The following SPINK4 variants were observed in gnomAD, a reference collection of about 807,000 sequenced individuals.
The protein encoded by SPINK4 is serine peptidase inhibitor Kazal type 4.
A neutral mutation model predicts 12.3 loss-of-function variants in SPINK4; 10 were observed. The observed-to-expected ratio is 0.81, with a 90% confidence interval of 0.50 to 1.37. The LOEUF is 1.37. Among genes scored for constraint, SPINK4 ranks in the 40% most tolerant of loss-of-function variants. The probability of loss-of-function intolerance (pLI) is 0.00; values close to 1 mark genes in which losing one functional copy is unlikely to be tolerated. For missense variants in SPINK4, 91 were observed against 109.0 expected (o/e 0.84, Z 0.73); for synonymous variants, 37 against 40.2 (o/e 0.92, Z 0.30).
rs1820217228 is a variant in SPINK4 at position 33,240,179 on chromosome 9, C to T, written c.-30C>T. 3 of 1,577,906 alleles carry T rather than the reference C, an allele frequency of 1.9e-6. No homozygotes were observed. The highest frequency in any genetic ancestry group is 2.6e-6 in the Non-Finnish European group (3 of 1,164,018). On this transcript the variant is annotated 5_prime_UTR_variant, in exon 1 of 4. Transcript: ENST00000379721. ...TCCTTCCTCAGGCGCAGGCCCCAGC[C>T]AGCTCAGGCTACACTATCCCAGGAT...
chr9:33,242,492 G>C (rs1314507568), intron 1 of SPINK4, among the ~76,000 whole-genome samples: 1 of 152,154 alleles, frequency 6.6e-6, no homozygotes, highest in Non-Finnish European at 1.5e-5. Flanking sequence ...CGTGAGCAGA[G>C]AGGAATAGCT....
intron 1 of SPINK4, among the ~76,000 whole-genome samples, chr9:33,242,202 T>C (rs147159636): frequency 1.7e-3 from 258 of 152,242 alleles, no homozygotes; most frequent in African/African-American, 5.9e-3. Flanking sequence ...GTGTAGGACA[T>C]TGAACCAAGT....
chr9:33,242,302 T>C (rs1820245179), intron 1 of SPINK4, among the ~76,000 whole-genome samples: 1 of 151,762 alleles, frequency 6.6e-6, no homozygotes, highest in African/African-American at 2.4e-5. Context: ...TACATGGTGG[T>C]GTGAAAGAAG....
chr9:33,245,275 C>A (rs1820274332), intron 2 of SPINK4, 123 bp downstream of exon 2: 2 of 1,034,458 alleles, frequency 1.9e-6, no homozygotes, highest in Non-Finnish European at 2.8e-6. Flanking sequence ...TCCAAGGTGG[C>A]CAAGGTGGCC....
Position 33,245,164 on chromosome 9 carries a change from G to A in SPINK4, c.102+12G>A. ...CTTTCTCAAGAATGGTAAGGCAGCT[G>A]CGTGTTGTTCTCACCTTCTCTCTGC... On this transcript the variant is annotated intron_variant, in intron 2 of 3. Transcript: ENST00000379721. 1 of 1,613,032 alleles carries A rather than the reference G, an allele frequency of 6.2e-7. No individual in the cohort carries two copies.
In SPINK4 at chr9:33,242,512, A is replaced by T. The variant is rs142953605; in HGVS notation, c.61+2243A>T. ...GCAGAGAGGAATAGCTGGGGCATGG[A>T]GAGGTGTACTGGGAAGTCAGCCCAA... is the stretch of plus-strand genomic sequence containing the variant. On this transcript the variant is annotated intron_variant, in intron 1 of 3. Transcript: ENST00000379721. Among the ~76,000 whole-genome samples the T allele has an allele frequency of 8.2e-3, 1,247 of 152,160 alleles. 22 individuals carry two copies. Among genetic ancestry groups the T allele is most frequent in the African/African-American group, 0.028 (1,170 of 41,506 alleles).
intron 3 of SPINK4, 156 bp from the exon 4 acceptor site, chr9:33,248,270 G>C: frequency 1.5e-6 from 1 of 665,994 alleles, no homozygotes; most frequent in Non-Finnish European, 2.5e-6. Flanking sequence ...AGCTGTAGAA[G>C]GATGTGCCCA....
At position 33,240,279 on chromosome 9, in the gene SPINK4, C is replaced by A; in HGVS notation, c.61+10C>A. 6.3e-7 allele frequency: 1 copy of A among 1,594,982 alleles called. No homozygotes were observed. Among genetic ancestry groups the A allele is most frequent in the Non-Finnish European group, 8.5e-7 (1 of 1,171,266 alleles). ...CTTGTTGTGGACAGGGGTGAGTGGGCAGAACCTGGATTCTCTGTGGCTTTG... is the reference window on the plus strand; with the variant it reads ...CTTGTTGTGGACAGGGGTGAGTGGGAAGAACCTGGATTCTCTGTGGCTTTG... On this transcript the variant is annotated intron_variant, in intron 1 of 3. Coordinates refer to ENST00000379721, the MANE Select transcript of SPINK4 (RefSeq NM_014471.3).
chr9:33,240,600 G>A (rs1820223740), intron 1 of SPINK4, among the ~76,000 whole-genome samples: 1 of 152,222 alleles, frequency 6.6e-6, no homozygotes, highest in South Asian at 2.1e-4. Flanking sequence ...GAGCAGGTAG[G>A]TCCCAGCTCT....
At chr9:33,243,946 CCACT>C (rs1186409906) in intron 1 of SPINK4, among the ~76,000 whole-genome samples, 1 of 152,112 alleles carries the variant, frequency 6.6e-6, no homozygotes, top group Non-Finnish European at 1.5e-5. Context: ...GGCATAGCTC[CCACT>C]GAGAGAAAAT....
At chr9:33,248,326 C>A in intron 3 of SPINK4, 100 bp from the exon 4 acceptor site, 2 of 1,249,104 alleles carry the variant, frequency 1.6e-6, no homozygotes, top group East Asian at 2.4e-5. Flanking sequence ...CATATGTGGG[C>A]GACGCTCAGC....
chr9:33,245,205 C>T (rs569663089), intron 2 of SPINK4, 53 bp downstream of exon 2: 10 of 1,566,402 alleles, frequency 6.4e-6, no homozygotes, highest in African/African-American at 2.7e-5. Flanking sequence ...GGAGTCCTCT[C>T]GTCCATGCTG....
At chr9:33,246,757 T>C (rs779123133) in intron 3 of SPINK4, 29 bp downstream of exon 3, 3 of 1,590,944 alleles carry the variant, frequency 1.9e-6, no homozygotes, top group African/African-American at 2.7e-5. Flanking sequence ...CCCTGCTTGC[T>C]TGGGTGGGCC....
intron 3 of SPINK4, chr9:33,248,197 C>T (rs1006377475): frequency 5.2e-5 from 29 of 560,196 alleles, no homozygotes; most frequent in East Asian, 2.3e-4. Flanking sequence ...CATCAGCGTG[C>T]GCTGGTGGTG....
At chr9:33,240,774 G>A (rs1820227061) in intron 1 of SPINK4, among the ~76,000 whole-genome samples, 1 of 152,276 alleles carries the variant, frequency 6.6e-6, no homozygotes, top group South Asian at 2.1e-4. Flanking sequence ...CATATACTTG[G>A]GGCAGGGCCC....
At chr9:33,242,876 C>CTTT (rs59110651) in intron 1 of SPINK4, among the ~76,000 whole-genome samples, 21,234 of 139,068 alleles carry the variant, frequency 0.15, 1,767 homozygotes, top group African/African-American at 0.2. Context: ...TGCTCTGACA[C>CTTT]TTTTTTTTTT....
At chr9:33,242,884 T>C (rs1258030048) in intron 1 of SPINK4, among the ~76,000 whole-genome samples, 1 of 150,998 alleles carries the variant, frequency 6.6e-6, no homozygotes, top group East Asian at 1.9e-4. Context: ...CACTTTTTTT[T>C]TTTTTTTAAG....
At chr9:33,242,078 C>G (rs538970102) in intron 1 of SPINK4, among the ~76,000 whole-genome samples, 1 of 152,278 alleles carries the variant, frequency 6.6e-6, no homozygotes, top group East Asian at 1.9e-4. Flanking sequence ...CGGAGTTTCA[C>G]CATGTTGGCC....
At chr9:33,244,255 A>G (rs568275281) in intron 1 of SPINK4, among the ~76,000 whole-genome samples, 1 of 152,322 alleles carries the variant, frequency 6.6e-6, no homozygotes, top group South Asian at 2.1e-4. Flanking sequence ...GTGTATGTAG[A>G]AAGAGTCAGG....
Sources: allele counts gnomAD v4.1 joint callset (sites outside exome capture counted in the v4.1 genomes callset), GRCh38; gene constraint gnomAD v4.1.1; transcripts MANE v1.5; gene names NCBI Gene and HGNC (gene_info 2026-07-23, HGNC 2026-07-21).